Variants in ZNF638 observed in about 807,000 individuals in gnomAD.
ZNF638 encodes zinc finger protein 638, also known as CTCL tumor antigen se33-1.
A neutral mutation model predicts 195.6 loss-of-function variants in ZNF638; 46 were observed. That is an observed-to-expected ratio of 0.24 (90% confidence interval 0.19 to 0.30). The LOEUF (loss-of-function observed/expected upper bound fraction) is 0.30. Among genes scored for constraint, ZNF638 ranks in the 10% least tolerant of loss-of-function variants. ZNF638 has a pLI of 1.00. For synonymous variants in ZNF638, 845 were observed against 772.0 expected (o/e 1.09, Z -1.57); for missense variants, 2,440 against 2,325.3 (o/e 1.05, Z -1.01).
At chr2:71,369,110 G>A (rs891932733) in intron 7 of ZNF638, among the ~76,000 whole-genome samples, 2 of 152,104 alleles carry the variant, frequency 1.3e-5, no homozygotes, top group African/African-American at 2.4e-5. Context: ...TGAGGCAGGT[G>A]GATCGCCTGA....
rs1264529493 is a variant in ZNF638, at chr2:71,401,527, T to A, written c.2698-429T>A. Reference sequence around the variant, plus strand: ...GCGACAGTATATGAAAGGAAGCAGTTGTAGCCAAAAACAAATGAACTTGTG... The same window carrying A: ...GCGACAGTATATGAAAGGAAGCAGTAGTAGCCAAAAACAAATGAACTTGTG... On this transcript the variant is annotated intron_variant, in intron 15 of 27. Transcript: ENST00000264447. Among the ~76,000 whole-genome samples the A allele has an allele frequency of 2.0e-5, 3 of 152,110 alleles. No homozygotes were observed. In the East Asian group the frequency reaches 5.8e-4, roughly 29 times the overall value.
intron 17 of ZNF638, 48 bp from the exon 18 acceptor site, chr2:71,405,553 A>G (rs1432480630): frequency 4.2e-6 from 5 of 1,182,726 alleles, no homozygotes; most frequent in Non-Finnish European, 6.1e-6. Context: ...AAGTATTTGT[A>G]TGAGAAAGAG....
At position 71,335,104 on chromosome 2, in the gene ZNF638, A is replaced by G. The variant is rs984616124; in HGVS notation, c.-203+3229A>G. Among the ~76,000 whole-genome samples the G allele has an allele frequency of 2.6e-5, 4 of 152,206 alleles. No homozygotes were observed. In the East Asian group the frequency reaches 5.8e-4, roughly 22 times the overall value. On this transcript the variant is annotated intron_variant, in intron 1 of 27. Coordinates refer to ENST00000264447, the MANE Select transcript of ZNF638 (RefSeq NM_014497.5). Reference sequence around the variant, plus strand: ...ATCTCACTCTTTCTCTAAGGCCACCATGGTTCCCTGCGGCCTCTACCTCCT... The same window carrying G: ...ATCTCACTCTTTCTCTAAGGCCACCGTGGTTCCCTGCGGCCTCTACCTCCT...
At chr2:71,389,194 C>T (rs1300108253) in intron 10 of ZNF638, among the ~76,000 whole-genome samples, 1 of 152,092 alleles carries the variant, frequency 6.6e-6, no homozygotes, top group Non-Finnish European at 1.5e-5. Flanking sequence ...CCTGAGCCCC[C>T]TCCCCCAATA....
chr2:71,407,949 CT>C (rs1203696550), intron 19 of ZNF638, 172 bp from the exon 20 acceptor site: 3 of 540,426 alleles, frequency 5.6e-6, no homozygotes, highest in Non-Finnish European at 9.3e-6. Flanking sequence ...TTGCTTCTCC[CT>C]TTGTCTGTTG....
At chr2:71,388,643 C>T (rs1384533110) in intron 10 of ZNF638, 1 of 858,978 alleles carries the variant, frequency 1.2e-6, no homozygotes, top group African/African-American at 1.6e-5. Flanking sequence ...TCAGACTCAG[C>T]AGCTGGTGCC....
rs529585253 is a variant in ZNF638, at chr2:71,365,508, T to C, written c.1797T>C (p.Ala599=). 6.2e-6 allele frequency: 10 copies of C among 1,614,128 alleles called. No individual in the cohort carries two copies. In the East Asian group the frequency reaches 1.8e-4, roughly 29 times the overall value. Residue 599 remains alanine (A), a synonymous_variant, in exon 6 of 28, where the codon GCT becomes GCC. Coordinates refer to ENST00000264447, the MANE Select transcript of ZNF638 (RefSeq NM_014497.5). ...TTAATAAACAGAAGCATCTTGAAGC[T>C]GCTGATAAGGGACATTCACCAGCAC... ...TEFNKQKHLE[A]ADKGHSPAQK...
intron 10 of ZNF638, among the ~76,000 whole-genome samples, chr2:71,382,616 T>C (rs866160868): frequency 6.6e-6 from 1 of 152,230 alleles, no homozygotes; most frequent in Non-Finnish European, 1.5e-5. Flanking sequence ...GTAGCTATTA[T>C]ATGCCCATGA....
At chr2:71,388,269 A>T (rs550322771) in intron 10 of ZNF638, 9 of 370,154 alleles carry the variant, frequency 2.4e-5, no homozygotes, top group South Asian at 1.5e-4. Context: ...GTGTAAAGGA[A>T]TTTATCTAGA....
At chr2:71,338,861 T>C (rs1485325692) in intron 1 of ZNF638, among the ~76,000 whole-genome samples, 3 of 152,244 alleles carry the variant, frequency 2.0e-5, no homozygotes. Flanking sequence ...TAAAAATATA[T>C]GTAAATTGTT....
At chr2:71,339,694 C>T (rs907612057) in intron 1 of ZNF638, among the ~76,000 whole-genome samples, 2 of 152,108 alleles carry the variant, frequency 1.3e-5, no homozygotes, top group Non-Finnish European at 2.9e-5. Flanking sequence ...TGCAGTTTCT[C>T]AGTAAAGCAG....
At chr2:71,342,607 A>G (rs2078780838) in intron 1 of ZNF638, among the ~76,000 whole-genome samples, 4 of 152,346 alleles carry the variant, frequency 2.6e-5, no homozygotes, top group Middle Eastern at 3.4e-3. Context: ...GTGAGAGGAA[A>G]AAGAAAAGTA....
At chr2:71,331,971 TG>T in intron 1 of ZNF638, 96 bp downstream of exon 1, 1 of 975,514 alleles carries the variant, frequency 1.0e-6, no homozygotes. Context: ...GGCCGACTAT[TG>T]TATCTGTGTC....
chr2:71,345,964 C>G (rs1426832744), intron 1 of ZNF638, among the ~76,000 whole-genome samples: 1 of 152,204 alleles, frequency 6.6e-6, no homozygotes, highest in African/African-American at 2.4e-5. Context: ...GGGCAGTTGT[C>G]TTAACCTTCT....
chr2:71,351,863 G>A (rs1036139060), intron 2 of ZNF638, among the ~76,000 whole-genome samples: 1 of 152,118 alleles, frequency 6.6e-6, no homozygotes, highest in Non-Finnish European at 1.5e-5. Context: ...AACTTGTTTG[G>A]ATATGCTGTA....
chr2:71,411,444 TTTTTATTTA>T (rs997714428), intron 20 of ZNF638, among the ~76,000 whole-genome samples: 1 of 119,676 alleles, frequency 8.4e-6, no homozygotes, highest in African/African-American at 2.9e-5. Context: ...TTTTTTATTT[TTTTTATTTA>T]TTTTTTATTT....
At chr2:71,424,306 A>G (rs1163744074) in intron 22 of ZNF638, among the ~76,000 whole-genome samples, 1 of 151,914 alleles carries the variant, frequency 6.6e-6, no homozygotes, top group Non-Finnish European at 1.5e-5. Context: ...AAAAAAAAAA[A>G]AAGTCTGCAG....
Position 71,417,941 on chromosome 2 carries a change from G to T in ZNF638, c.3262-661G>T, listed in dbSNP as rs377564068. Among the ~76,000 whole-genome samples, 6 of 152,150 alleles carry T rather than the reference G, an allele frequency of 3.9e-5. No individual in the cohort carries two copies. The South Asian group carries it at 8.3e-4, about 21-fold the overall frequency. ...TCTAGAAGACTTCTACCCAGAGAGTGCATGATTTCTCAGAAAAGGCTTCCT... is the reference window on the plus strand; with the variant it reads ...TCTAGAAGACTTCTACCCAGAGAGTTCATGATTTCTCAGAAAAGGCTTCCT... On this transcript the variant is annotated intron_variant, in intron 20 of 27. Transcript: ENST00000264447.
intron 1 of ZNF638, among the ~76,000 whole-genome samples, chr2:71,340,602 TAATG>T (rs1299156584): frequency 6.6e-6 from 1 of 152,136 alleles, no homozygotes; most frequent in African/African-American, 2.4e-5. Flanking sequence ...TCTAGAAAAA[TAATG>T]TTAGTGGTAG....
Sources: gnomAD v4.1 joint callset for allele counts (sites outside exome capture counted in the v4.1 genomes callset) on GRCh38, gnomAD v4.1.1 for gene constraint, MANE v1.5 for transcripts, NCBI Gene and HGNC (gene_info 2026-07-23, HGNC 2026-07-21) for gene names.